The following TACR3 variants were observed in gnomAD, a reference collection of about 807,000 sequenced individuals.
TACR3 encodes the protein neuromedin-K receptor.
In TACR3, 34 loss-of-function variants were observed where a neutral mutation model predicts 35.0. The observed-to-expected ratio is 0.97, with a 90% CI of 0.74 to 1.30. The LOEUF (loss-of-function observed/expected upper bound fraction) is 1.30. Ranked by LOEUF, TACR3 falls within the 50% of genes most tolerant of loss-of-function variation. The probability of loss-of-function intolerance (pLI) is 0.00; values close to 1 mark genes in which losing one functional copy is unlikely to be tolerated. For synonymous variants in TACR3, 233 were observed against 221.1 expected, an observed-to-expected ratio of 1.05 and a Z score of -0.48; for missense variants, 558 against 591.7, an observed-to-expected ratio of 0.94 and a Z score of 0.59.
At chr4:103,597,610 C>G (rs112543403) in intron 3 of TACR3, among the ~76,000 whole-genome samples, 1,866 of 151,996 alleles carry the variant, frequency 0.012, 39 homozygotes, top group African/African-American at 0.043. Context: ...CCCCGTCCCC[C>G]CACCCCACAA....
At chr4:103,602,340 G>T (rs1724226596) in intron 3 of TACR3, among the ~76,000 whole-genome samples, 1 of 152,114 alleles carries the variant, frequency 6.6e-6, no homozygotes, top group African/African-American at 2.4e-5. Context: ...AATTTCTCCT[G>T]TAGCTTGGAG....
chr4:103,624,159 T>TGA (rs1724842483), intron 3 of TACR3: 1 of 152,192 alleles, frequency 6.6e-6, no homozygotes, highest in Non-Finnish European at 1.5e-5. Context: ...GGTATGCAAT[T>TGA]ACTGTTTTCT....
Position 103,638,059 on chromosome 4 carries a change from T to A in TACR3, c.888+18135A>T, listed in dbSNP as rs539513128. Among the ~76,000 whole-genome samples the A allele has an allele frequency of 1.9e-3, 289 of 152,266 alleles. 1 individual carries two copies. The highest frequency in any genetic ancestry group is 6.3e-3 in the African/African-American group (262 of 41,546). ...AATGCCATACCCATGAAGCTACCAATGACTTTCTTCACAGAATTGGAAAAA... is the reference window on the plus strand; with the variant it reads ...AATGCCATACCCATGAAGCTACCAAAGACTTTCTTCACAGAATTGGAAAAA... On this transcript the variant is annotated intron_variant, in intron 3 of 4. Coordinates refer to ENST00000304883, the MANE Select transcript of TACR3 (RefSeq NM_001059.3).
At chr4:103,633,650 A>T (rs188274399) in intron 3 of TACR3, among the ~76,000 whole-genome samples, 10 of 152,224 alleles carry the variant, frequency 6.6e-5, no homozygotes, top group Admixed American at 5.9e-4. Flanking sequence ...AATCAGTGAG[A>T]ACATAAAATG....
intron 3 of TACR3, among the ~76,000 whole-genome samples, chr4:103,601,730 T>C (rs1724206507): frequency 6.6e-6 from 1 of 152,224 alleles, no homozygotes. Flanking sequence ...CTCTTCTGGC[T>C]TGTAGAGTTT....
At chr4:103,698,905 AC>A (rs1314019094) in intron 1 of TACR3, among the ~76,000 whole-genome samples, 2 of 152,150 alleles carry the variant, frequency 1.3e-5, no homozygotes, top group African/African-American at 4.8e-5. Flanking sequence ...CATCACATGT[AC>A]CCCCCATAAA....
intron 1 of TACR3, among the ~76,000 whole-genome samples, chr4:103,707,174 T>G (rs1722814241): frequency 1.3e-5 from 2 of 152,238 alleles, no homozygotes; most frequent in South Asian, 4.1e-4. Flanking sequence ...ATACAAATAA[T>G]TCCTTGAAAC....
intron 3 of TACR3, among the ~76,000 whole-genome samples, chr4:103,614,495 A>C (rs1724587313): frequency 6.6e-6 from 1 of 152,194 alleles, no homozygotes; most frequent in African/African-American, 2.4e-5. Flanking sequence ...CATGCTCTTC[A>C]TGGAATGGTT....
chr4:103,699,166 G>A (rs1722592488), intron 1 of TACR3, among the ~76,000 whole-genome samples: 1 of 152,146 alleles, frequency 6.6e-6, no homozygotes, highest in African/African-American at 2.4e-5. Flanking sequence ...CAATTACATA[G>A]TATTTTAGGA....
chr4:103,598,031 G>A (rs1245378840), intron 3 of TACR3, among the ~76,000 whole-genome samples: 2 of 152,264 alleles, frequency 1.3e-5, no homozygotes, highest in South Asian at 2.1e-4. Flanking sequence ...TCGCCACACC[G>A]ACTTCCACAG....
intron 3 of TACR3, among the ~76,000 whole-genome samples, chr4:103,653,313 T>TA (rs146261274): frequency 0.026 from 3,939 of 149,704 alleles, 163 homozygotes; most frequent in African/African-American, 0.09. Flanking sequence ...GAGACAAAAT[T>TA]AAAAAAAAAA....
intron 3 of TACR3, among the ~76,000 whole-genome samples, chr4:103,640,324 G>A (rs537303371): frequency 6.6e-6 from 1 of 152,064 alleles, no homozygotes; most frequent in African/African-American, 2.4e-5. Context: ...TTTGGCAAAG[G>A]AAATCTTACT....
chr4:103,716,672 A>C (rs1022132395), intron 1 of TACR3, among the ~76,000 whole-genome samples: 1 of 150,854 alleles, frequency 6.6e-6, no homozygotes, highest in Non-Finnish European at 1.5e-5. Flanking sequence ...CAGCTGAACA[A>C]AAGCCATATG....
chr4:103,601,408 G>A (rs1398559210), intron 3 of TACR3, among the ~76,000 whole-genome samples: 1 of 152,224 alleles, frequency 6.6e-6, no homozygotes, highest in East Asian at 1.9e-4. Flanking sequence ...ATTATTTTGT[G>A]TGAATTTGAT....
chr4:103,674,283 A>G lies in TACR3; in HGVS notation c.549-15880T>C, dbSNP rs187955986. On this transcript the variant is annotated intron_variant, in intron 1 of 4. Transcript: ENST00000304883. ...CTCACAGCTAGCTATCCAGAGCACAATGAATTGTCTCCAGTGCTATTATGT... is the reference window on the plus strand; with the variant it reads ...CTCACAGCTAGCTATCCAGAGCACAGTGAATTGTCTCCAGTGCTATTATGT... Among the ~76,000 whole-genome samples the G allele has an allele frequency of 2.1e-3, 318 of 152,086 alleles. 3 individuals carry two copies. The highest frequency in any genetic ancestry group is 0.017 in the Middle Eastern group (5 of 294).
At position 103,718,137 on chromosome 4, in the gene TACR3, T is replaced by C. The variant is rs146209344; in HGVS notation, c.548+991A>G. Among the ~76,000 whole-genome samples, 868 of 152,314 alleles carry C rather than the reference T, an allele frequency of 5.7e-3. 10 individuals are homozygous for C. Among genetic ancestry groups the C allele is most frequent in the African/African-American group, 0.02 (837 of 41,560 alleles). ...CTTATTTTTTTATTATAATGGCAACTGAAATGTCATAAGAATTAATATTTA... is the reference window on the plus strand; with the variant it reads ...CTTATTTTTTTATTATAATGGCAACCGAAATGTCATAAGAATTAATATTTA... On this transcript the variant is annotated intron_variant, in intron 1 of 4. Transcript: ENST00000304883.
intron 1 of TACR3, among the ~76,000 whole-genome samples, chr4:103,710,375 A>G (rs1367305764): frequency 6.6e-6 from 1 of 152,166 alleles, no homozygotes; most frequent in Non-Finnish European, 1.5e-5. Context: ...GCTCAAGTGC[A>G]TGGAAACTGA....
chr4:103,646,524 C>T (rs971046535), intron 3 of TACR3, among the ~76,000 whole-genome samples: 3 of 151,918 alleles, frequency 2.0e-5, no homozygotes, highest in Non-Finnish European at 4.4e-5. Flanking sequence ...AATTTATTCT[C>T]TTTCCATCTT....
Position 103,699,627 on chromosome 4 carries a change from C to T in TACR3, c.548+19501G>A, listed in dbSNP as rs72673113. On this transcript the variant is annotated intron_variant, in intron 1 of 4. Coordinates refer to ENST00000304883, the MANE Select transcript of TACR3 (RefSeq NM_001059.3). The stretch of plus-strand genomic sequence containing the variant: ...ATTTAGGTGAAAAATGATATTGGCT[C>T]GGACTAAGGTAGCAGCAGTAGGAGT... Among the ~76,000 whole-genome samples the T allele has an allele frequency of 8.9e-3, 1,353 of 152,132 alleles. 9 individuals carry two copies. Among genetic ancestry groups the T allele is most frequent in the Non-Finnish European group, 0.014 (923 of 67,988 alleles).
Sources: allele counts gnomAD v4.1 joint callset (sites outside exome capture counted in the v4.1 genomes callset), GRCh38; gene constraint gnomAD v4.1.1; transcripts MANE v1.5; gene names NCBI Gene and HGNC (gene_info 2026-07-23, HGNC 2026-07-21).